MDGA2: variants seen among roughly 807,000 people sequenced by gnomAD.
MDGA2 encodes the protein MAM domain-containing glycosylphosphatidylinositol anchor protein 2.
A neutral mutation model predicts 117.8 loss-of-function variants in MDGA2; 40 were observed. The observed-to-expected ratio is 0.34, with a 90% CI of 0.26 to 0.44. MDGA2 has a LOEUF of 0.44. Ranked by LOEUF, MDGA2 falls within the 20% of genes least tolerant of loss-of-function variation. The pLI, the probability that MDGA2 is intolerant of heterozygous loss-of-function variation, is 1.00. For missense variants in MDGA2, 1,123 were observed against 1,250.6 expected (o/e 0.90, Z 1.54); for synonymous variants, 452 against 439.0 (o/e 1.03, Z -0.37).
At chr14:47,490,048 T>C (rs547812363) in intron 1 of MDGA2, among the ~76,000 whole-genome samples, 2 of 152,174 alleles carry the variant, frequency 1.3e-5, no homozygotes, top group African/African-American at 2.4e-5. Flanking sequence ...AACAACAAAA[T>C]TGAGACAGTG....
intron 1 of MDGA2, among the ~76,000 whole-genome samples, chr14:47,543,857 G>A (rs916671209): frequency 6.6e-6 from 1 of 152,208 alleles, no homozygotes; most frequent in East Asian, 1.9e-4. Context: ...AAGAAGAGCA[G>A]GGGTCGGTTT....
At chr14:47,595,427 G>A (rs1432816570) in intron 1 of MDGA2, among the ~76,000 whole-genome samples, 1 of 151,380 alleles carries the variant, frequency 6.6e-6, no homozygotes, top group Non-Finnish European at 1.5e-5. Context: ...CCAGCTACTC[G>A]GGAGGCTGAG....
At chr14:46,939,808 C>T (rs371295855) in intron 9 of MDGA2, among the ~76,000 whole-genome samples, 2 of 152,114 alleles carry the variant, frequency 1.3e-5, no homozygotes, top group Non-Finnish European at 2.9e-5. Flanking sequence ...AGTAAGCAAC[C>T]ATCAAGTCAC....
At chr14:47,575,270 G>A (rs926162352) in intron 1 of MDGA2, among the ~76,000 whole-genome samples, 3 of 152,096 alleles carry the variant, frequency 2.0e-5, no homozygotes, top group Non-Finnish European at 4.4e-5. Context: ...CTACAGTGAA[G>A]AGTAATTTCC....
intron 2 of MDGA2, among the ~76,000 whole-genome samples, chr14:47,227,699 A>G (rs1886556185): frequency 6.6e-6 from 1 of 152,154 alleles, no homozygotes; most frequent in South Asian, 2.1e-4. Flanking sequence ...TCCTGGCAAT[A>G]TAATTCTGCT....
chr14:47,289,308 C>CACACACAT (rs1555370379), intron 2 of MDGA2, among the ~76,000 whole-genome samples: 1 of 80,664 alleles, frequency 1.2e-5, no homozygotes, highest in Non-Finnish European at 3.1e-5. Context: ...TGGACTTACA[C>CACACACAT]ACACACACAC....
At chr14:47,577,150 A>C (rs1163973518) in intron 1 of MDGA2, among the ~76,000 whole-genome samples, 1 of 152,122 alleles carries the variant, frequency 6.6e-6, no homozygotes, top group East Asian at 1.9e-4. Context: ...AGTAGAGTAA[A>C]GAGTAGAAAT....
Position 47,654,882 on chromosome 14 carries a change from G to T in MDGA2, c.280+19635C>A, listed in dbSNP as rs549444802. 3.9e-5 allele frequency among the ~76,000 whole-genome samples: 6 copies of T among 152,190 alleles called. No homozygotes were observed. The South Asian group carries it at 1.0e-3, about 26-fold the overall frequency. On this transcript the variant is annotated intron_variant, in intron 1 of 16. Coordinates refer to ENST00000399232, the MANE Select transcript of MDGA2 (RefSeq NM_001113498.3). ...GTGTATATGAATTGATTCTAAGGAC[G>T]CTAGATTAAGATGGGAAGGAATATA...
intron 3 of MDGA2, among the ~76,000 whole-genome samples, chr14:47,155,394 T>G (rs1883326714): frequency 6.6e-6 from 1 of 152,016 alleles, no homozygotes; most frequent in Non-Finnish European, 1.5e-5. Flanking sequence ...AGAGCCATGG[T>G]CCTTCGGGAA....
chr14:47,456,193 A>G (rs1051212305), intron 1 of MDGA2, among the ~76,000 whole-genome samples: 1 of 152,008 alleles, frequency 6.6e-6, no homozygotes, highest in Admixed American at 6.6e-5. Context: ...TAGGGGATAT[A>G]ATATTTTAGA....
At chr14:47,336,770 A>G (rs1214701529) in intron 1 of MDGA2, among the ~76,000 whole-genome samples, 1 of 151,964 alleles carries the variant, frequency 6.6e-6, no homozygotes, top group African/African-American at 2.4e-5. Flanking sequence ...ATAGTGCTCA[A>G]AAGAAGTAGT....
intron 2 of MDGA2, among the ~76,000 whole-genome samples, chr14:47,265,893 T>C (rs2139686278): frequency 2.0e-5 from 3 of 152,132 alleles, no homozygotes; most frequent in East Asian, 3.9e-4. Flanking sequence ...AAATCACAAA[T>C]CACAACACCT....
At chr14:47,320,314 C>T (rs1397499181) in intron 1 of MDGA2, among the ~76,000 whole-genome samples, 1 of 152,092 alleles carries the variant, frequency 6.6e-6, no homozygotes, top group Non-Finnish European at 1.5e-5. Context: ...CCCAGGAGTT[C>T]AAGGCTGCAG....
At chr14:47,483,337 A>C (rs893433487) in intron 1 of MDGA2, among the ~76,000 whole-genome samples, 4 of 152,134 alleles carry the variant, frequency 2.6e-5, no homozygotes, top group Admixed American at 6.6e-5. Flanking sequence ...TCAAGCTTTC[A>C]ATCAGAAACT....
intron 1 of MDGA2, among the ~76,000 whole-genome samples, chr14:47,545,681 C>T (rs1005103696): frequency 2.0e-5 from 3 of 151,832 alleles, no homozygotes; most frequent in African/African-American, 4.8e-5. Flanking sequence ...TTTAAGAAAT[C>T]GTCATGGTCA....
intron 2 of MDGA2, among the ~76,000 whole-genome samples, chr14:47,273,397 A>G: frequency 6.6e-6 from 1 of 152,168 alleles, no homozygotes; most frequent in East Asian, 1.9e-4. Flanking sequence ...TACTGAGGCA[A>G]GGAAAAGTCA....
At chr14:47,449,897 C>G (rs1893204764) in intron 1 of MDGA2, among the ~76,000 whole-genome samples, 1 of 152,022 alleles carries the variant, frequency 6.6e-6, no homozygotes, top group Admixed American at 6.6e-5. Context: ...TTTACATAGC[C>G]TAAACAGACT....
chr14:46,960,122 G>C (rs1006897031), intron 8 of MDGA2, among the ~76,000 whole-genome samples: 7 of 152,152 alleles, frequency 4.6e-5, no homozygotes, highest in African/African-American at 1.7e-4. Context: ...TTGGGAGGCT[G>C]AGGCAGGGGA....
intron 6 of MDGA2, among the ~76,000 whole-genome samples, chr14:47,072,759 T>G (rs898670455): frequency 6.6e-6 from 1 of 152,080 alleles, no homozygotes; most frequent in Admixed American, 6.5e-5. Flanking sequence ...ATTGAAAAAG[T>G]TTATGCTGCC....
Sources: allele counts gnomAD v4.1 joint callset (sites outside exome capture counted in the v4.1 genomes callset), GRCh38; gene constraint gnomAD v4.1.1; transcripts MANE v1.5; gene names NCBI Gene and HGNC (gene_info 2026-07-23, HGNC 2026-07-21).